The following WDR87 variants were observed in gnomAD, a reference collection of about 807,000 sequenced individuals.
WDR87 encodes WD repeat-containing protein 87.
A neutral mutation model predicts 83.3 loss-of-function variants in WDR87; 56 were observed. The observed-to-expected ratio is 0.67, with a 90% CI of 0.54 to 0.84. The LOEUF (loss-of-function observed/expected upper bound fraction) is 0.84, where lower values mean the gene tolerates loss of function less well. Among genes scored for constraint, WDR87 ranks in the 40% least tolerant of loss-of-function variants. The pLI is 0.00. For missense variants in WDR87, 2,939 were observed against 3,431.9 expected, an observed-to-expected ratio of 0.86 and a Z score of 3.59; for synonymous variants, 1,173 against 1,250.6, an observed-to-expected ratio of 0.94 and a Z score of 1.31.
At position 37,887,913 on chromosome 19, in the gene WDR87, A is replaced by G. The variant is rs2046165185; in HGVS notation, c.5758T>C (p.Leu1920=). 1.3e-6 allele frequency: 2 copies of G among 1,551,212 alleles called. No homozygotes were observed. Among genetic ancestry groups the G allele is most frequent in the Non-Finnish European group, 8.7e-7 (1 of 1,146,922 alleles). ...KKQLVQVKNK[L]GMFNKILAQV... is the part of the protein sequence containing the mutation. Reference sequence around the variant, plus strand: ...GCCAGTATCTTGTTGAACATTCCCAATTTGTTCTTTACTTGCACTAATTGC... The same window carrying G: ...GCCAGTATCTTGTTGAACATTCCCAGTTTGTTCTTTACTTGCACTAATTGC... Residue 1920 remains leucine, a synonymous_variant, in exon 6 of 6, where the codon TTG becomes CTG. Transcript: ENST00000447313.
In WDR87 at chr19:37,889,655, A is replaced by C; in HGVS notation, c.4016T>G (p.Val1339Gly). Residue 1339 changes from valine to glycine, a missense_variant, in exon 6 of 6, where the codon GTT becomes GGT. By Grantham distance (109) the Val-to-Gly change is moderately radical. Coordinates refer to ENST00000447313, the MANE Select transcript of WDR87 (RefSeq NM_001291088.2). ...ICPLLKKESK[V>G]LLEDLDWDVV... ...ATCCCAATCAAGGTCCTCAAGCAGA[A>C]CCTTACTTTCTTTCTTCAATAGGGG... 5.2e-6 allele frequency: 8 copies of C among 1,551,808 alleles called. No homozygotes were observed. The highest frequency in any genetic ancestry group is 7.0e-6 in the Non-Finnish European group (8 of 1,147,036).
rs971265866 is a variant in WDR87, at chr19:37,890,148, C to T, written c.3523G>A (p.Val1175Ile). ...GTGCTTGAAGACCATTGGGAATAGA[C>T]GGATGCTTCCTCCATCTCAATTGGT... ...AAPIEMEEAS[V>I]YSQWSSSTSV... Residue 1175 changes from valine to isoleucine, a missense_variant, in exon 6 of 6, where the codon GTC (valine) becomes ATC (isoleucine). Val to Ile is a conservative substitution (Grantham distance 29). Around this residue, in one of 3 missense-constraint regions of WDR87, gnomAD observed 2,160 missense variants for 2,533.1 expected, o/e 0.85. Coordinates refer to ENST00000447313, the MANE Select transcript of WDR87 (RefSeq NM_001291088.2). 4.4e-5 allele frequency: 69 copies of T among 1,551,784 alleles called. No individual in the cohort carries two copies. The highest frequency in any genetic ancestry group is 5.2e-5 in the Non-Finnish European group (60 of 1,147,052).
At position 37,894,789 on chromosome 19, in the gene WDR87, C is replaced by T; in HGVS notation, c.914G>A (p.Ser305Asn). The T allele has an allele frequency of 6.4e-7, 1 of 1,551,744 alleles. No homozygotes were observed. Among genetic ancestry groups the T allele is most frequent in the East Asian group, 2.4e-5 (1 of 40,924 alleles). ...AHTLLTAGSD[S>N]LIKEWNLTSG... is the part of the protein sequence containing the mutation. Reference sequence around the variant, plus strand: ...AGTCAGGTTCCACTCCTTGATTAGGCTGTCACTACCAGCTGTTAGCAGGGT... The same window carrying T: ...AGTCAGGTTCCACTCCTTGATTAGGTTGTCACTACCAGCTGTTAGCAGGGT... The change falls in exon 4 of 6, where the codon AGC (serine) becomes AAC (asparagine). Residue 305 changes from serine (S) to asparagine (N), a missense_variant. This residue lies in a region of WDR87 where 553 missense variants were observed against 577.9 expected (regional missense o/e 0.96). Transcript: ENST00000447313.
In WDR87 at chr19:37,889,822, G is replaced by T; in HGVS notation, c.3849C>A (p.Asp1283Glu). The change falls in exon 6 of 6, where the codon GAC (aspartate) becomes GAA (glutamate). Residue 1283 changes from aspartate (D) to glutamate (E), a missense_variant. By Grantham distance (45) the Asp-to-Glu change is conservative. Around this residue, in one of 3 missense-constraint regions of WDR87, gnomAD observed 2,160 missense variants for 2,533.1 expected, o/e 0.85. Coordinates refer to ENST00000447313, the MANE Select transcript of WDR87 (RefSeq NM_001291088.2). ...TCAGGGCCATAAGACGACATAGATC[G>T]TCCCTCCATGATGAGCCATCTCCAG... ...STAGDGSSWR[D>E]DLCRLMALRI... is the part of the protein sequence containing the mutation. 1.9e-6 allele frequency: 3 copies of T among 1,551,734 alleles called. No homozygotes were observed. The highest frequency in any genetic ancestry group is 2.6e-6 in the Non-Finnish European group (3 of 1,147,026).
Position 37,890,128 on chromosome 19 carries a change from T to A in WDR87, c.3543A>T (p.Ser1181=). The part of the protein sequence containing the change: ...EEASVYSQWS[S]STSVIKLSKD... ...TTGAGAGCTTTATTACACTGGTGCT[T>A]GAAGACCATTGGGAATAGACGGATG... is the stretch of plus-strand genomic sequence containing the variant. The change falls in exon 6 of 6, where the codon TCA becomes TCT. Residue 1181 remains serine, a synonymous_variant. Coordinates refer to ENST00000447313, the MANE Select transcript of WDR87 (RefSeq NM_001291088.2). 6.4e-7 allele frequency: 1 copy of A among 1,552,030 alleles called. No individual in the cohort carries two copies. The highest frequency in any genetic ancestry group is 8.7e-7 in the Non-Finnish European group (1 of 1,147,062).
chr19:37,901,494 G>A (rs1430854906), intron 1 of WDR87, among the ~76,000 whole-genome samples: 1 of 152,070 alleles, frequency 6.6e-6, no homozygotes, highest in African/African-American at 2.4e-5. Context: ...TTACCCCACT[G>A]GCCCCTTCTT....
In WDR87 at chr19:37,895,007, T is replaced by G; in HGVS notation, c.696A>C (p.Val232=). ...MHQGKGQLGE[V]KRFTSTSSGS... is the part of the protein sequence containing the mutation. ...CGCTGCTGGTGGACGTGAACCTCTT[T>G]ACCTCTCCCAGCTGGCCCTTGCCCT... Residue 232 remains valine, a synonymous_variant, in exon 4 of 6, where the codon GTA becomes GTC. Coordinates refer to ENST00000447313, the MANE Select transcript of WDR87 (RefSeq NM_001291088.2). 3 of 1,551,676 alleles carry G rather than the reference T, an allele frequency of 1.9e-6. No homozygotes were observed. The highest frequency in any genetic ancestry group is 2.6e-6 in the Non-Finnish European group (3 of 1,146,980).
In WDR87 at chr19:37,893,828, AGAACCTGT is replaced by A. The variant is rs1440484001; in HGVS notation, c.1867_1874del (p.Thr623CysfsTer32). On this transcript the variant is annotated frameshift_variant, in exon 4 of 6. Coordinates refer to ENST00000447313, the MANE Select transcript of WDR87 (RefSeq NM_001291088.2). LOFTEE classifies it high-confidence loss of function. ...CCCAGATCCGAACAGAGCCATCGGCAGAACCTGTGACAAAAAGACTCAAGGAGAGGCAG... is the reference window on the plus strand; with the variant it reads ...CCCAGATCCGAACAGAGCCATCGGCAGACAAAAAGACTCAAGGAGAGGCAG... 7.7e-6 allele frequency: 12 copies of A among 1,551,712 alleles called. No homozygotes were observed. Among genetic ancestry groups the A allele is most frequent in the Middle Eastern group, 1.7e-4 (1 of 6,016 alleles).
Position 37,893,617 on chromosome 19 carries a change from G to C in WDR87, c.2086C>G (p.Leu696Val). 6.4e-7 allele frequency: 1 copy of C among 1,552,124 alleles called. No homozygotes were observed. The highest frequency in any genetic ancestry group is 8.7e-7 in the Non-Finnish European group (1 of 1,147,092). The change falls in exon 4 of 6, where the codon CTG becomes GTG. Residue 696 changes from leucine to valine, a missense_variant. Leu to Val is a conservative substitution (Grantham distance 32). This residue lies in a region of WDR87 where 553 missense variants were observed against 577.9 expected (regional missense o/e 0.96). Transcript: ENST00000447313. The stretch of plus-strand genomic sequence containing the variant: ...GGTATGAAAGGCTTAGGGACTTCCA[G>C]TACTTCATCTGATATGCTCATAAAG... ...LSFMSISDEVLEVPKPFIPSF... is the reference protein window; with the variant it reads ...LSFMSISDEVVEVPKPFIPSF...
chr19:37,888,688 T>A lies in WDR87; in HGVS notation c.4983A>T (p.Lys1661Asn). Residue 1661 changes from lysine to asparagine, a missense_variant, in exon 6 of 6, where the codon AAA becomes AAT. Coordinates refer to ENST00000447313, the MANE Select transcript of WDR87 (RefSeq NM_001291088.2). ...CCATTTCCCTGTCATCCTGGGTTATTTTCACGTATGCCTGGGCCAGTTTTC... is the reference window on the plus strand; with the variant it reads ...CCATTTCCCTGTCATCCTGGGTTATATTCACGTATGCCTGGGCCAGTTTTC... ...EERKLAQAYV[K>N]ITQDDREMAQ... The A allele has an allele frequency of 1.3e-6, 2 of 1,551,890 alleles. No individual in the cohort carries two copies. Among genetic ancestry groups the A allele is most frequent in the Non-Finnish European group, 1.7e-6 (2 of 1,147,032 alleles).
chr19:37,901,659 G>A (rs546320161), intron 1 of WDR87, among the ~76,000 whole-genome samples: 88 of 152,202 alleles, frequency 5.8e-4, no homozygotes, highest in South Asian at 1.2e-3. Flanking sequence ...ATATTTCTAG[G>A]TGATGAGTGA....
rs888776660 is a variant in WDR87 at position 37,884,841 on chromosome 19, A to AAGAG, written c.*87_*90dup. ...GAAACACCGTCTCAAAAAAAAAAAA[A>AAGAG]AGAGAGAGAGAGAGATGAAGGTCTA... On this transcript the variant is annotated 3_prime_UTR_variant, in exon 6 of 6. Transcript: ENST00000447313. 3 of 1,098,566 alleles carry AAGAG rather than the reference A, an allele frequency of 2.7e-6. No individual in the cohort carries two copies. The highest frequency in any genetic ancestry group is 1.6e-5 in the African/African-American group (1 of 61,176). The allele number at this position is 1,098,566 out of a possible 1,614,324, so 68.1% of individuals were successfully genotyped here.
Position 37,894,413 on chromosome 19 carries a change from G to A in WDR87, c.1290C>T (p.Ser430=). The change falls in exon 4 of 6, where the codon AGC becomes AGT. Residue 430 remains serine (S), a synonymous_variant. Coordinates refer to ENST00000447313, the MANE Select transcript of WDR87 (RefSeq NM_001291088.2). The part of the protein sequence containing the change: ...GKEELFVATG[S]SEVLVFDTTR... ...TTGTGTCAAATACCAGAACCTCTGA[G>A]CTGCCTGTTGCTACAAAGAGCTCCT... 6.4e-7 allele frequency: 1 copy of A among 1,551,730 alleles called. No individual in the cohort carries two copies. Among genetic ancestry groups the A allele is most frequent in the Non-Finnish European group, 8.7e-7 (1 of 1,147,006 alleles).
At position 37,891,611 on chromosome 19, in the gene WDR87, T is replaced by A; in HGVS notation, c.3335A>T (p.Glu1112Val). Residue 1112 changes from glutamate to valine, a missense_variant, in exon 5 of 6, where the codon GAA becomes GTA. Physicochemically the swap from Glu to Val is moderately radical, Grantham distance 121. Coordinates refer to ENST00000447313, the MANE Select transcript of WDR87 (RefSeq NM_001291088.2). Reference sequence around the variant, plus strand: ...GCCTTTGCTGGGCTTGATGGCCACTTCAGATTCTTCAGAAACTGTAGGAGG... The same window carrying A: ...GCCTTTGCTGGGCTTGATGGCCACTACAGATTCTTCAGAAACTGTAGGAGG... ...LKPPTVSEESEVAIKPSKGQR... is the reference protein window; with the variant it reads ...LKPPTVSEESVVAIKPSKGQR... 1 of 1,552,016 alleles carries A rather than the reference T, an allele frequency of 6.4e-7. No individual in the cohort carries two copies. The highest frequency in any genetic ancestry group is 1.2e-5 in the South Asian group (1 of 84,060).
chr19:37,889,738 A>C lies in WDR87; in HGVS notation c.3933T>G (p.Phe1311Leu). The C allele has an allele frequency of 6.4e-7, 1 of 1,551,742 alleles. No homozygotes were observed. The highest frequency in any genetic ancestry group is 8.7e-7 in the Non-Finnish European group (1 of 1,147,014). Residue 1311 changes from phenylalanine to leucine, a missense_variant, in exon 6 of 6, where the codon TTT becomes TTG. Transcript: ENST00000447313. Reference sequence around the variant, plus strand: ...GCCTATCTACCAGCATCTCCTGAGCAAATGTCACTAGCTCAGCGTTTAGGT... The same window carrying C: ...GCCTATCTACCAGCATCTCCTGAGCCAATGTCACTAGCTCAGCGTTTAGGT... ...SENLNAELVT[F>L]AQEMLVDRHP...
chr19:37,901,533 C>T (rs926509219), intron 1 of WDR87, among the ~76,000 whole-genome samples: 10 of 152,258 alleles, frequency 6.6e-5, no homozygotes, highest in East Asian at 1.9e-4. Context: ...AGAGAGTAGT[C>T]GTTTGTAACA....
chr19:37,885,290 T>A lies in WDR87; in HGVS notation c.8381A>T (p.Tyr2794Phe). ...AAGTTGGTACAGGTCCATGAGCTGG[T>A]AGAACTGTTCCATCCAAGCAGTGCT... is the stretch of plus-strand genomic sequence containing the variant. ...KDSTAWMEQFYQLMDLYQLKS... is the reference protein window; with the variant it reads ...KDSTAWMEQFFQLMDLYQLKS... The change falls in exon 6 of 6, where the codon TAC becomes TTC. Residue 2794 changes from tyrosine (Y) to phenylalanine (F), a missense_variant. By Grantham distance (22) the Tyr-to-Phe change is conservative. Around this residue, in one of 3 missense-constraint regions of WDR87, gnomAD observed 2,160 missense variants for 2,533.1 expected, o/e 0.85. Transcript: ENST00000447313. The A allele has an allele frequency of 6.5e-7, 1 of 1,547,432 alleles. No homozygotes were observed. Among genetic ancestry groups the A allele is most frequent in the Non-Finnish European group, 8.7e-7 (1 of 1,145,026 alleles).
In WDR87 at chr19:37,893,982, G is replaced by A. The variant is rs2046231090; in HGVS notation, c.1721C>T (p.Thr574Ile). Residue 574 changes from threonine (T) to isoleucine (I), a missense_variant, in exon 4 of 6, where the codon ACA becomes ATA. Thr to Ile is a moderately conservative substitution (Grantham distance 89). Transcript: ENST00000447313. ...ILLPKSVGAITETNCLRLWKF... is the reference protein window; with the variant it reads ...ILLPKSVGAIIETNCLRLWKF... ...CCAGAGACGCAGGCAGTTTGTCTCT[G>A]TGATGGCACCCACAGACTTGGGCAA... The A allele has an allele frequency of 6.4e-7, 1 of 1,551,758 alleles. No individual in the cohort carries two copies. Among genetic ancestry groups the A allele is most frequent in the African/African-American group, 1.4e-5 (1 of 73,056 alleles).
At chr19:37,897,204 GTT>G (rs397859251) in intron 2 of WDR87, among the ~76,000 whole-genome samples, 2 of 115,294 alleles carry the variant, frequency 1.7e-5, no homozygotes, top group Non-Finnish European at 1.7e-5. Context: ...CTGGGATCCT[GTT>G]TTTTTTTTTT....
Sources: gnomAD v4.1 joint callset for allele counts (sites outside exome capture counted in the v4.1 genomes callset) on GRCh38, gnomAD v4.1.1 for gene constraint, gnomAD v4.1.1 regional missense constraint, MANE v1.5 for transcripts, NCBI Gene and HGNC (gene_info 2026-07-23, HGNC 2026-07-21) for gene names.